The following ZUP1 variants were observed in gnomAD, a reference collection of about 807,000 sequenced individuals.
ZUP1 encodes the protein zinc finger containing ubiquitin peptidase 1, also known as zinc finger-containing ubiquitin peptidase 1.
Under a neutral mutation model 68.1 loss-of-function variants are expected in ZUP1, and 55 were observed. The observed-to-expected ratio is 0.81, with a 90% CI of 0.65 to 1.01. The LOEUF (loss-of-function observed/expected upper bound fraction) is 1.01. ZUP1 is among the 50% of genes least tolerant of loss of function. ZUP1 has a pLI of 0.00. For missense variants in ZUP1, 684 were observed against 674.9 expected (o/e 1.01, Z -0.15); for synonymous variants, 223 against 221.5 (o/e 1.01, Z -0.06).
intron 9 of ZUP1, among the ~76,000 whole-genome samples, chr6:116,637,889 C>A (rs1053300882): frequency 6.6e-6 from 1 of 151,828 alleles, no homozygotes; most frequent in African/African-American, 2.4e-5. Context: ...ATGGTGAAAC[C>A]CCATCTCTAC....
rs144324743 is a variant in ZUP1, at chr6:116,650,786, A to G, written c.1316+786T>C. On this transcript the variant is annotated intron_variant, in intron 7 of 9. Coordinates refer to ENST00000368576, the MANE Select transcript of ZUP1 (RefSeq NM_145062.3). ...ATTCAAAGAGAAAAACAAATGCCCA[A>G]CACAATGAATCAAAGCCCCACACCC... Among the ~76,000 whole-genome samples the G allele has an allele frequency of 2.2e-3, 342 of 152,286 alleles. 2 individuals carry two copies. The highest frequency in any genetic ancestry group is 7.9e-3 in the African/African-American group (327 of 41,556).
At chr6:116,651,516 C>T (rs1776490878) in intron 7 of ZUP1, 56 bp downstream of exon 7, 3 of 1,443,424 alleles carry the variant, frequency 2.1e-6, no homozygotes, top group East Asian at 2.4e-5. Flanking sequence ...TAAAATTTTA[C>T]AAAACAAAGC....
chr6:116,657,112 C>T (rs1460187908), intron 4 of ZUP1, among the ~76,000 whole-genome samples: 2 of 152,072 alleles, frequency 1.3e-5, no homozygotes, highest in East Asian at 1.9e-4. Context: ...GTAGGGAAAG[C>T]AGAGGATCCT....
At chr6:116,642,098 A>C (rs1029668662) in intron 9 of ZUP1, among the ~76,000 whole-genome samples, 3 of 152,092 alleles carry the variant, frequency 2.0e-5, no homozygotes, top group Admixed American at 1.3e-4. Flanking sequence ...GAAATGGATA[A>C]ATTCCTCGAA....
At position 116,656,797 on chromosome 6, in the gene ZUP1, A is replaced by T; in HGVS notation, c.848T>A (p.Met283Lys). The change falls in exon 5 of 10, where the codon ATG becomes AAG. Residue 283 changes from methionine to lysine, a missense_variant. Coordinates refer to ENST00000368576, the MANE Select transcript of ZUP1 (RefSeq NM_145062.3). ...TCTTCCCCTATTTACTTCTATCTCC[A>T]TATTTCGTAGTTGTTGTTGTTTGTA... ...GGYKQQQLRN[M>K]EIEVNRGRMP... The T allele has an allele frequency of 6.8e-6, 11 of 1,610,248 alleles. No homozygotes were observed. The highest frequency in any genetic ancestry group is 8.5e-6 in the Non-Finnish European group (10 of 1,177,468).
chr6:116,644,669 T>C (rs1776231379), intron 9 of ZUP1, among the ~76,000 whole-genome samples: 1 of 149,230 alleles, frequency 6.7e-6, no homozygotes, highest in South Asian at 2.1e-4. Context: ...AAGGGGAACA[T>C]CACACTCTGG....
chr6:116,648,129 A>G (rs543250157), intron 7 of ZUP1, among the ~76,000 whole-genome samples: 2 of 152,350 alleles, frequency 1.3e-5, no homozygotes, highest in South Asian at 4.1e-4. Flanking sequence ...AATACTTGTA[A>G]ATCATAGAAA....
chr6:116,666,473 T>C (rs937880510), intron 2 of ZUP1, among the ~76,000 whole-genome samples, 161 bp downstream of exon 2: 14 of 152,242 alleles, frequency 9.2e-5, no homozygotes, highest in South Asian at 2.1e-4. Flanking sequence ...TTTTCCATAA[T>C]GTACTTTTAT....
intron 9 of ZUP1, among the ~76,000 whole-genome samples, chr6:116,639,953 G>A (rs1469365520): frequency 4.6e-5 from 7 of 152,144 alleles, no homozygotes; most frequent in African/African-American, 1.2e-4. Flanking sequence ...AAATTTAGAC[G>A]AATGTATAAC....
At chr6:116,647,400 A>AGTTTC in intron 8 of ZUP1, 59 bp downstream of exon 8, 1 of 1,380,562 alleles carries the variant, frequency 7.2e-7, no homozygotes, top group South Asian at 1.8e-5. Context: ...CCTGTCTGAA[A>AGTTTC]GCAACAATTT....
chr6:116,638,972 C>G (rs1000006489), intron 9 of ZUP1, among the ~76,000 whole-genome samples: 3 of 152,190 alleles, frequency 2.0e-5, no homozygotes, highest in African/African-American at 7.2e-5. Context: ...GAACATCGGG[C>G]CACTCCCACC....
At chr6:116,641,751 T>C (rs1306862399) in intron 9 of ZUP1, among the ~76,000 whole-genome samples, 2 of 151,642 alleles carry the variant, frequency 1.3e-5, no homozygotes, top group East Asian at 3.9e-4. Context: ...AGATCCAAAA[T>C]TGACACCCTA....
At chr6:116,665,569 CTTTTTTTTTTTTTT>C (rs753039436) in intron 2 of ZUP1, among the ~76,000 whole-genome samples, 1 of 111,588 alleles carries the variant, frequency 9.0e-6, no homozygotes, top group Non-Finnish European at 1.8e-5. Flanking sequence ...AAAAATTTTT[CTTTTTTTTTTTTTT>C]TTTTTTGGAG....
intron 9 of ZUP1, among the ~76,000 whole-genome samples, chr6:116,639,446 G>A (rs1005892492): frequency 1.3e-5 from 2 of 152,220 alleles, no homozygotes; most frequent in Non-Finnish European, 2.9e-5. Flanking sequence ...CCCCCAGTAG[G>A]GGCAGACTGA....
chr6:116,635,758 TAAG>T lies in ZUP1; in HGVS notation c.*71_*73del. The T allele has an allele frequency of 8.6e-7, 1 of 1,166,306 alleles. No homozygotes were observed. The highest frequency in any genetic ancestry group is 1.2e-6 in the Non-Finnish European group (1 of 813,660). 72.2% of individuals were successfully genotyped at this position (1,166,306 alleles called of 1,614,324 possible). A position where few individuals can be genotyped will look rare whatever the true frequency, so the allele number is the denominator to read the frequency against. On this transcript the variant is annotated 3_prime_UTR_variant, in exon 10 of 10. Coordinates refer to ENST00000368576, the MANE Select transcript of ZUP1 (RefSeq NM_145062.3). The stretch of plus-strand genomic sequence containing the variant: ...AGAATTCACAGATTCATAATTGTAT[TAAG>T]GAGTTCAATATCTACATTTAGAAAA...
At chr6:116,642,917 T>C (rs1318498040) in intron 9 of ZUP1, among the ~76,000 whole-genome samples, 1 of 152,248 alleles carries the variant, frequency 6.6e-6, no homozygotes, top group African/African-American at 2.4e-5. Context: ...GCAGATGACA[T>C]GATTGTACAT....
intron 9 of ZUP1, among the ~76,000 whole-genome samples, chr6:116,640,324 G>C (rs1184301468): frequency 6.6e-6 from 1 of 152,068 alleles, no homozygotes; most frequent in Non-Finnish European, 1.5e-5. Context: ...GTCAGATTCA[G>C]GAAATACAGA....
At chr6:116,639,587 T>C (rs1776022643) in intron 9 of ZUP1, among the ~76,000 whole-genome samples, 1 of 152,200 alleles carries the variant, frequency 6.6e-6, no homozygotes, top group Non-Finnish European at 1.5e-5. Flanking sequence ...CGGTCTGGAG[T>C]GGACCTCTAG....
chr6:116,651,387 TGA>T (rs2114253972), intron 7 of ZUP1, among the ~76,000 whole-genome samples, 183 bp downstream of exon 7: 1 of 152,320 alleles, frequency 6.6e-6, no homozygotes, highest in African/African-American at 2.4e-5. Context: ...CAGTTGCCTC[TGA>T]GAGACAGAAC....
Sources: allele counts gnomAD v4.1 joint callset (sites outside exome capture counted in the v4.1 genomes callset), GRCh38; gene constraint gnomAD v4.1.1; transcripts MANE v1.5; gene names NCBI Gene and HGNC (gene_info 2026-07-23, HGNC 2026-07-21).